Variants in NCOA1 observed in about 807,000 individuals in gnomAD.
NCOA1 encodes the protein Hin-2 protein.
NCOA1 carries 35 observed loss-of-function variants against 150.9 expected under a neutral mutation model. The ratio of observed to expected loss-of-function variants is 0.23; its 90% confidence interval spans 0.18 to 0.31. The LOEUF (loss-of-function observed/expected upper bound fraction) is 0.31. Ranked by LOEUF, NCOA1 falls within the 10% of genes least tolerant of loss-of-function variation. The probability of loss-of-function intolerance (pLI) is 1.00; values close to 1 mark genes in which losing one functional copy is unlikely to be tolerated. For synonymous variants in NCOA1, 590 were observed against 630.0 expected, an observed-to-expected ratio of 0.94 and a Z score of 0.95; for missense variants, 1,491 against 1,749.3, an observed-to-expected ratio of 0.85 and a Z score of 2.63.
chr2:24,671,596 T>A (rs1190338302), intron 6 of NCOA1, among the ~76,000 whole-genome samples: 1 of 152,208 alleles, frequency 6.6e-6, no homozygotes, highest in African/African-American at 2.4e-5. Context: ...GGTCTCACTC[T>A]GTCACCCAGG....
intron 1 of NCOA1, among the ~76,000 whole-genome samples, chr2:24,544,865 GTAAA>G (rs1438874254): frequency 8.5e-5 from 13 of 152,284 alleles, no homozygotes; most frequent in African/African-American, 2.2e-4. Flanking sequence ...AAAAAAATAA[GTAAA>G]TGAATGGTGA....
chr2:24,576,170 G>GTTTTTTTTTTTTTTTTTTTTTTTTTTTTT (rs869093026), intron 2 of NCOA1, among the ~76,000 whole-genome samples: 2 of 46,298 alleles, frequency 4.3e-5, no homozygotes, highest in Admixed American at 3.3e-4. Context: ...TTTGTTTTTT[G>GTTTTTTTTTTTTTTTTTTTTTTTTTTTTT]TTTTTTTTTT....
At chr2:24,674,503 G>GC (rs1404370768) in intron 7 of NCOA1, among the ~76,000 whole-genome samples, 1 of 152,096 alleles carries the variant, frequency 6.6e-6, no homozygotes, top group Non-Finnish European at 1.5e-5. Flanking sequence ...ACTGCGCCCG[G>GC]CCTATTTCTC....
chr2:24,612,117 G>A (rs182076218), intron 3 of NCOA1, among the ~76,000 whole-genome samples: 2 of 152,204 alleles, frequency 1.3e-5, no homozygotes, highest in African/African-American at 2.4e-5. Flanking sequence ...TAGTGGTAAC[G>A]AATTCTCTAG....
At chr2:24,598,863 A>G (rs1353076342) in intron 3 of NCOA1, among the ~76,000 whole-genome samples, 11 of 152,252 alleles carry the variant, frequency 7.2e-5, no homozygotes, top group South Asian at 2.1e-4. Context: ...TATTGAACTC[A>G]TCGTTCAAAT....
At chr2:24,616,948 T>C (rs541370262) in intron 3 of NCOA1, among the ~76,000 whole-genome samples, 5 of 152,270 alleles carry the variant, frequency 3.3e-5, no homozygotes, top group Non-Finnish European at 5.9e-5. Context: ...GAGGTCGAAA[T>C]TGTGAACATA....
chr2:24,614,684 G>A (rs1309904832), intron 3 of NCOA1, among the ~76,000 whole-genome samples: 36 of 152,098 alleles, frequency 2.4e-4, no homozygotes, highest in Non-Finnish European at 8.8e-5. Flanking sequence ...AGAATCTCTA[G>A]GGTGCAGGGC....
intron 1 of NCOA1, among the ~76,000 whole-genome samples, chr2:24,552,185 C>G (rs1016662441): frequency 2.0e-5 from 3 of 150,554 alleles, no homozygotes; most frequent in African/African-American, 7.4e-5. Context: ...TTTTAAAAAG[C>G]CTGCTGGGAT....
chr2:24,503,158 TCA>T (rs761380864), intron 1 of NCOA1, among the ~76,000 whole-genome samples: 3 of 152,344 alleles, frequency 2.0e-5, no homozygotes, highest in Admixed American at 6.5e-5. Context: ...CCTGGAATAC[TCA>T]CAGATAAACT....
At chr2:24,628,101 A>G (rs1669513993) in intron 3 of NCOA1, among the ~76,000 whole-genome samples, 3 of 152,056 alleles carry the variant, frequency 2.0e-5, no homozygotes, top group African/African-American at 7.2e-5. Flanking sequence ...GGAGTTTGAG[A>G]CCAGCTTGGC....
chr2:24,652,653 C>T (rs1670760654), intron 4 of NCOA1, among the ~76,000 whole-genome samples: 1 of 152,008 alleles, frequency 6.6e-6, no homozygotes, highest in African/African-American at 2.4e-5. Context: ...TAGCCTTCAC[C>T]TGTTTGGTTT....
intron 3 of NCOA1, among the ~76,000 whole-genome samples, chr2:24,630,443 AT>A (rs1186388886): frequency 3.9e-5 from 6 of 152,134 alleles, no homozygotes; most frequent in African/African-American, 1.4e-4. Flanking sequence ...AGCTGTTCCT[AT>A]TTTTTGCTCT....
intron 10 of NCOA1, among the ~76,000 whole-genome samples, chr2:24,694,301 A>G (rs1377667949): frequency 2.6e-5 from 4 of 152,168 alleles, no homozygotes; most frequent in Non-Finnish European, 4.4e-5. Context: ...TGCTTTTACG[A>G]CAACCAGAGT....
intron 7 of NCOA1, among the ~76,000 whole-genome samples, chr2:24,679,419 A>T (rs1313711325): frequency 6.6e-6 from 1 of 152,150 alleles, no homozygotes; most frequent in Admixed American, 6.6e-5. Flanking sequence ...TAGTCTCAAA[A>T]ATTATTCCCT....
intron 2 of NCOA1, among the ~76,000 whole-genome samples, chr2:24,580,883 A>C (rs1428592209): frequency 1.2e-4 from 18 of 152,178 alleles, no homozygotes; most frequent in Admixed American, 1.2e-3. Flanking sequence ...TTAGTATTAC[A>C]TGCTGACACT....
At chr2:24,626,473 A>G (rs537678332) in intron 3 of NCOA1, among the ~76,000 whole-genome samples, 2 of 152,330 alleles carry the variant, frequency 1.3e-5, no homozygotes, top group Admixed American at 6.5e-5. Flanking sequence ...GGAGATTTCA[A>G]TGGATTGAAT....
At chr2:24,658,807 T>C (rs1427925116) in intron 5 of NCOA1, 41 bp downstream of exon 5, 3 of 1,572,042 alleles carry the variant, frequency 1.9e-6, no homozygotes, top group Non-Finnish European at 2.6e-6. Flanking sequence ...CAGAGCTGCT[T>C]TATTACTTTC....
intron 19 of NCOA1, among the ~76,000 whole-genome samples, chr2:24,748,502 C>T (rs149219967): frequency 1.8e-3 from 266 of 151,052 alleles, no homozygotes; most frequent in African/African-American, 5.8e-3. Flanking sequence ...GCCAGCTACT[C>T]GGGAGGCTGA....
intron 20 of NCOA1, among the ~76,000 whole-genome samples, chr2:24,757,470 A>G (rs553036109): frequency 6.6e-6 from 1 of 152,306 alleles, no homozygotes; most frequent in South Asian, 2.1e-4. Flanking sequence ...AAATAAGTGG[A>G]ACAAGATACC....
Sources: allele counts gnomAD v4.1 joint callset (sites outside exome capture counted in the v4.1 genomes callset), GRCh38; gene constraint gnomAD v4.1.1; transcripts MANE v1.5; gene names NCBI Gene and HGNC (gene_info 2026-07-23, HGNC 2026-07-21).